ANO2: variants seen among roughly 807,000 people sequenced by gnomAD.
ANO2 encodes anoctamin-2.
A neutral mutation model predicts 124.2 loss-of-function variants in ANO2; 101 were observed. That is an observed-to-expected ratio of 0.81 (90% CI 0.69 to 0.96). ANO2 has a LOEUF of 0.96. Among genes scored for constraint, ANO2 ranks in the 40% least tolerant of loss-of-function variants. ANO2 has a pLI of 0.00. For synonymous variants in ANO2, 486 were observed against 482.5 expected (o/e 1.01, Z -0.09); for missense variants, 1,293 against 1,274.5 (o/e 1.01, Z -0.22).
chr12:5,897,267 G>A (rs1352988102), intron 3 of ANO2, among the ~76,000 whole-genome samples: 1 of 152,096 alleles, frequency 6.6e-6, no homozygotes, highest in East Asian at 1.9e-4. Context: ...GGAAAATGGT[G>A]TTTCCAACAG....
intron 3 of ANO2, among the ~76,000 whole-genome samples, chr12:5,919,350 AAC>A (rs1941562057): frequency 6.6e-6 from 1 of 151,732 alleles, no homozygotes; most frequent in South Asian, 2.1e-4. Flanking sequence ...CAGAGAGGGC[AAC>A]GGCACAAAGA....
intron 14 of ANO2, among the ~76,000 whole-genome samples, chr12:5,659,862 G>T (rs986011147): frequency 1.3e-5 from 2 of 152,264 alleles, no homozygotes; most frequent in South Asian, 2.1e-4. Context: ...GCCCTGCCTG[G>T]ATTGGGATTG....
intron 19 of ANO2, among the ~76,000 whole-genome samples, chr12:5,609,927 T>A (rs1384928749): frequency 2.1e-5 from 3 of 146,008 alleles, no homozygotes; most frequent in Non-Finnish European, 3.0e-5. Context: ...TATATCTATA[T>A]GAAATATAGA....
At chr12:5,762,706 T>C (rs1951775104) in intron 10 of ANO2, among the ~76,000 whole-genome samples, 1 of 151,870 alleles carries the variant, frequency 6.6e-6, no homozygotes, top group African/African-American at 2.4e-5. Flanking sequence ...CTGACTATAA[T>C]TGAATGAATT....
intron 3 of ANO2, among the ~76,000 whole-genome samples, chr12:5,880,137 T>C (rs1481164283): frequency 6.6e-6 from 1 of 152,112 alleles, no homozygotes; most frequent in Non-Finnish European, 1.5e-5. Context: ...CTGTTGTAGT[T>C]GACAGGGAGA....
intron 3 of ANO2, among the ~76,000 whole-genome samples, chr12:5,910,584 T>C (rs1410644962): frequency 6.6e-6 from 1 of 152,230 alleles, no homozygotes; most frequent in African/African-American, 2.4e-5. Flanking sequence ...TAAATGTTGA[T>C]GAAAATAAAG....
intron 14 of ANO2, among the ~76,000 whole-genome samples, chr12:5,692,390 G>GT (rs1948982088): frequency 6.6e-6 from 1 of 152,110 alleles, no homozygotes; most frequent in Non-Finnish European, 1.5e-5. Context: ...ACTTAAGTAA[G>GT]ATACTTAAGT....
At chr12:5,748,410 G>A (rs373689585) in intron 11 of ANO2, among the ~76,000 whole-genome samples, 14 of 152,294 alleles carry the variant, frequency 9.2e-5, no homozygotes, top group South Asian at 6.2e-4. Context: ...GCAAGCCCAC[G>A]TGAAGCTACT....
chr12:5,618,646 A>T (rs1017175473), intron 16 of ANO2, among the ~76,000 whole-genome samples: 1 of 152,162 alleles, frequency 6.6e-6, no homozygotes, highest in African/African-American at 2.4e-5. Flanking sequence ...TGTTTTCATC[A>T]AACACTCTCT....
chr12:5,788,197 CACA>C (rs1952592126), intron 10 of ANO2, among the ~76,000 whole-genome samples: 4 of 152,192 alleles, frequency 2.6e-5, no homozygotes, highest in Non-Finnish European at 5.9e-5. Flanking sequence ...AAACACAATC[CACA>C]GCCCAGAGCC....
At chr12:5,584,131 ACCC>A in intron 20 of ANO2, 1 of 130,798 alleles carries the variant, frequency 7.6e-6, no homozygotes, top group Non-Finnish European at 1.6e-5. Context: ...TTTAATGAAC[ACCC>A]CCCCCCCGCC....
At chr12:5,791,842 C>T (rs924450029) in intron 10 of ANO2, among the ~76,000 whole-genome samples, 11 of 152,142 alleles carry the variant, frequency 7.2e-5, no homozygotes, top group African/African-American at 2.7e-4. Context: ...AGCTCTTAAG[C>T]TAAGGAACCA....
intron 6 of ANO2, 134 bp from the exon 7 acceptor site, chr12:5,827,954 G>T: frequency 1.1e-6 from 1 of 921,458 alleles, no homozygotes; most frequent in South Asian, 1.7e-5. Flanking sequence ...CCAAGCATGT[G>T]CCTGGCTCAT....
chr12:5,864,586 C>G (rs1006889784), intron 3 of ANO2, among the ~76,000 whole-genome samples: 4 of 152,204 alleles, frequency 2.6e-5, no homozygotes, highest in African/African-American at 9.6e-5. Context: ...CCCACCAGGA[C>G]ACGGAGAGCA....
chr12:5,760,255 T>G (rs1014705996), intron 10 of ANO2, among the ~76,000 whole-genome samples: 7 of 152,204 alleles, frequency 4.6e-5, no homozygotes, highest in African/African-American at 7.2e-5. Context: ...CAGTTAAGCC[T>G]CTAAAAAGCA....
chr12:5,623,399 G>C (rs963553159), intron 16 of ANO2, among the ~76,000 whole-genome samples: 1 of 152,202 alleles, frequency 6.6e-6, no homozygotes, highest in African/African-American at 2.4e-5. Context: ...AAAGAGGGCA[G>C]ACTCCACTTC....
intron 16 of ANO2, among the ~76,000 whole-genome samples, chr12:5,626,807 A>G (rs1374751260): frequency 6.6e-6 from 1 of 152,222 alleles, no homozygotes; most frequent in African/African-American, 2.4e-5. Context: ...TGGGAGCATC[A>G]GGGAGAAGCA....
intron 20 of ANO2, among the ~76,000 whole-genome samples, chr12:5,594,199 A>G (rs537938386): frequency 6.6e-6 from 1 of 152,320 alleles, no homozygotes; most frequent in East Asian, 1.9e-4. Context: ...TGTTGACTCA[A>G]TCAATATCAG....
chr12:5,803,314 G>C (rs1268535114), intron 9 of ANO2, among the ~76,000 whole-genome samples: 1 of 152,180 alleles, frequency 6.6e-6, no homozygotes, highest in Non-Finnish European at 1.5e-5. Flanking sequence ...TGAATCCTCA[G>C]TTGGAACCAA....
Sources: gnomAD v4.1 joint callset for allele counts (sites outside exome capture counted in the v4.1 genomes callset) on GRCh38, gnomAD v4.1.1 for gene constraint, MANE v1.5 for transcripts, NCBI Gene and HGNC (gene_info 2026-07-23, HGNC 2026-07-21) for gene names.